METTL6: variants seen among roughly 807,000 people sequenced by gnomAD.
METTL6 encodes the protein methyltransferase 6, tRNA N3-cytidine.
In METTL6, 22 loss-of-function variants were observed where a neutral mutation model predicts 26.4. The ratio of observed to expected loss-of-function variants is 0.83; its 90% CI spans 0.59 to 1.19. The LOEUF (loss-of-function observed/expected upper bound fraction) is 1.19, where lower values mean the gene tolerates loss of function less well. METTL6 is among the 50% of genes most tolerant of loss of function. The pLI, the probability that METTL6 is intolerant of heterozygous loss-of-function variation, is 0.00. For synonymous variants in METTL6, 109 were observed against 116.2 expected (o/e 0.94, Z 0.40); for missense variants, 304 against 324.8 (o/e 0.94, Z 0.49).
chr3:15,415,086 GCTCTTTACTGATTCAGGTTGGTTTTC>G (rs1442667268), intron 4 of METTL6, among the ~76,000 whole-genome samples: 1 of 152,024 alleles, frequency 6.6e-6, no homozygotes, highest in East Asian at 1.9e-4. Flanking sequence ...TGTCGTTTTG[GCTCTTTACTGATTCAGGTTGGTTTTC>G]CTCATTCTGA....
chr3:15,422,105 C>A (rs2061623002), intron 3 of METTL6, among the ~76,000 whole-genome samples: 1 of 151,218 alleles, frequency 6.6e-6, no homozygotes, highest in Non-Finnish European at 1.5e-5. Flanking sequence ...ATGGGAGGAT[C>A]TCTTGAGCCC....
intron 3 of METTL6, among the ~76,000 whole-genome samples, chr3:15,418,589 C>T (rs1301840514): frequency 3.9e-5 from 6 of 151,902 alleles, no homozygotes; most frequent in Non-Finnish European, 8.8e-5. Context: ...TAACTGGAAT[C>T]CCAGAGGGAG....
At position 15,396,540 on chromosome 3, in the gene METTL6, C is replaced by T. The variant is rs924151697; in HGVS notation, c.*12-12353G>A. ...TTGTTCCATTGCTGGTGAGGAGCTGCGTTCCTTTGGAGGAGGAGAGGCGCT... is the reference window on the plus strand; with the variant it reads ...TTGTTCCATTGCTGGTGAGGAGCTGTGTTCCTTTGGAGGAGGAGAGGCGCT... On this transcript the variant is annotated intron_variant, in intron 6 of 6. Transcript: ENST00000443029. 4.6e-5 allele frequency among the ~76,000 whole-genome samples: 7 copies of T among 152,206 alleles called. No individual in the cohort carries two copies. The South Asian group carries it at 1.2e-3, about 27-fold the overall frequency.
intron 5 of METTL6, chr3:15,413,648 G>T (rs185750380): frequency 3.4e-6 from 4 of 1,181,414 alleles, no homozygotes; most frequent in Non-Finnish European, 4.3e-6. Context: ...TTTGTGCCAT[G>T]GGAAAGTAAT....
intron 3 of METTL6, among the ~76,000 whole-genome samples, chr3:15,422,407 T>A (rs779801446): frequency 6.6e-6 from 1 of 152,142 alleles, no homozygotes; most frequent in Non-Finnish European, 1.5e-5. Flanking sequence ...GGCAGGCAGA[T>A]CACTTGAGTT....
At chr3:15,424,932 G>GA in intron 3 of METTL6, 23 bp downstream of exon 3, 1 of 1,613,080 alleles carries the variant, frequency 6.2e-7, no homozygotes, top group East Asian at 2.2e-5. Flanking sequence ...AAACACAGCA[G>GA]AATACATAGA....
intron 6 of METTL6, among the ~76,000 whole-genome samples, chr3:15,397,697 C>T (rs1699530275): frequency 6.6e-6 from 1 of 152,176 alleles, no homozygotes; most frequent in African/African-American, 2.4e-5. Context: ...TAGCCCTTCC[C>T]CCAAACTCAA....
At position 15,427,450 on chromosome 3, in the gene METTL6, G is replaced by T. The variant is rs2061753749; in HGVS notation, c.-173C>A. ...TCGGAGGCAGAATACGGGAAGAACC[G>T]CGAAACAACCCTAAACCAATTCTGA... On this transcript the variant is annotated 5_prime_UTR_variant, in exon 1 of 6. Coordinates refer to ENST00000383790, the MANE Select transcript of METTL6 (RefSeq NM_152396.4). 2.9e-6 allele frequency: 1 copy of T among 341,514 alleles called. No homozygotes were observed. The highest frequency in any genetic ancestry group is 5.5e-6 in the Non-Finnish European group (1 of 181,594). 21.2% of individuals were successfully genotyped at this position (341,514 alleles called of 1,614,324 possible).
intron 6 of METTL6, chr3:15,399,544 T>C (rs1024163127): frequency 9.3e-5 from 11 of 118,470 alleles, no homozygotes; most frequent in Admixed American, 7.9e-4. Flanking sequence ...CCAGGAGAAA[T>C]TGTGTGTGTG....
chr3:15,415,482 C>G lies in METTL6; in HGVS notation c.531+290G>C, dbSNP rs746770262. 7 of 1,583,104 alleles carry G rather than the reference C, an allele frequency of 4.4e-6. No homozygotes were observed. The East Asian group carries it at 1.4e-4, about 31-fold the overall frequency. On this transcript the variant is annotated intron_variant, in intron 4 of 5. Transcript: ENST00000383790. ...AAACTGTGTACTCTTGACCACTAAA[C>G]CATAACTCCTCTCACCTTATAGCAG...
At chr3:15,403,307 T>C in intron 6 of METTL6, among the ~76,000 whole-genome samples, 1 of 152,196 alleles carries the variant, frequency 6.6e-6, no homozygotes, top group East Asian at 1.9e-4. Context: ...CTAATTAGAA[T>C]TGACCATTTT....
chr3:15,413,849 G>A lies in METTL6; in HGVS notation c.673+172C>T, dbSNP rs73818921. ...GGCTTGTGAGCTCTTCAAGGGCAGG[G>A]GCCAGGTCTGTGCCTTCCAGGTGCT... On this transcript the variant is annotated intron_variant, in intron 5 of 5. Coordinates refer to ENST00000383790, the MANE Select transcript of METTL6 (RefSeq NM_152396.4). The A allele has an allele frequency of 4.3e-3, 6,460 of 1,508,030 alleles. 198 individuals carry two copies. The African/African-American group carries it at 0.073, about 17-fold the overall frequency. The allele number at this position is 1,508,030 out of a possible 1,614,324, so 93.4% of individuals were successfully genotyped here. A position where few individuals can be genotyped will look rare whatever the true frequency, so the allele number is the denominator to read the frequency against.
At chr3:15,386,815 CAG>C (rs1699213063) in intron 6 of METTL6, among the ~76,000 whole-genome samples, 1 of 151,200 alleles carries the variant, frequency 6.6e-6, no homozygotes, top group South Asian at 2.1e-4. Context: ...TTTTTTGAGA[CAG>C]AGTTTCACTC....
At chr3:15,402,762 A>G (rs557640607) in intron 6 of METTL6, among the ~76,000 whole-genome samples, 4 of 151,828 alleles carry the variant, frequency 2.6e-5, no homozygotes, top group Admixed American at 1.3e-4. Context: ...AAAAGAAAAA[A>G]AAAAAGAAAT....
chr3:15,418,950 T>A (rs994121846), intron 3 of METTL6, among the ~76,000 whole-genome samples: 18 of 152,118 alleles, frequency 1.2e-4, no homozygotes, highest in African/African-American at 4.1e-4. Flanking sequence ...TATTTTGCCA[T>A]GATAATTTAA....
rs1322320778 is a variant in METTL6 at position 15,426,392 on chromosome 3, C to T, written c.120G>A (p.Glu40=). The change falls in exon 2 of 6, where the codon GAG becomes GAA. Residue 40 remains glutamate (E), a synonymous_variant. Transcript: ENST00000383790. The part of the protein sequence containing the change: ...SDFKQQKLEQ[E]AQKNWDLFYK... ...AAAAAAGATCCCAATTTTTCTGAGC[C>T]TCTTGTTCCAATTTCTGCTGTTTAA... 3 of 1,614,086 alleles carry T rather than the reference C, an allele frequency of 1.9e-6. No homozygotes were observed. The highest frequency in any genetic ancestry group is 1.3e-5 in the African/African-American group (1 of 74,920).
rs562060893 is a variant in METTL6 at position 15,410,096 on chromosome 3, T to C, written c.*1160A>G. 1.2e-4 allele frequency among the ~76,000 whole-genome samples: 19 copies of C among 152,188 alleles called. No homozygotes were observed. The highest frequency in any genetic ancestry group is 3.4e-3 in the Middle Eastern group (1 of 294). On this transcript the variant is annotated 3_prime_UTR_variant, in exon 6 of 6. Transcript: ENST00000383790. ...CTAAATTATGTTATTCTATAAAACT[T>C]TGACTACTTTTCAGGCCTTGAAATT...
chr3:15,408,854 T>C (rs1277016234), downstream of METTL6, among the ~76,000 whole-genome samples: 1 of 152,108 alleles, frequency 6.6e-6, no homozygotes, highest in Non-Finnish European at 1.5e-5. Context: ...CAAGAAACAT[T>C]GGTCAGACCT....
At chr3:15,393,053 G>A (rs1057333217) in intron 6 of METTL6, among the ~76,000 whole-genome samples, 1 of 152,230 alleles carries the variant, frequency 6.6e-6, no homozygotes, top group East Asian at 1.9e-4. Context: ...GGTAGCTTGA[G>A]AGGGATGGCA....
Sources: gnomAD v4.1 joint callset for allele counts (sites outside exome capture counted in the v4.1 genomes callset) on GRCh38, gnomAD v4.1.1 for gene constraint, MANE v1.5 for transcripts, NCBI Gene and HGNC (gene_info 2026-07-23, HGNC 2026-07-21) for gene names.